CCDC7: variants seen among roughly 807,000 people sequenced by gnomAD.
CCDC7 encodes the protein coiled-coil domain containing 7.
In CCDC7, 183 loss-of-function variants were observed where a neutral mutation model predicts 196.9. The observed-to-expected ratio is 0.93, with a 90% CI of 0.82 to 1.05. CCDC7 has a LOEUF of 1.05. Among genes scored for constraint, CCDC7 ranks in the 50% least tolerant of loss-of-function variants. The pLI is 0.00. For missense variants in CCDC7, 1,540 were observed against 1,482.2 expected, an observed-to-expected ratio of 1.04 and a Z score of -0.64; for synonymous variants, 525 against 484.6, an observed-to-expected ratio of 1.08 and a Z score of -1.10.
chr10:32,484,226 G>C (rs1436771585), intron 8 of CCDC7, among the ~76,000 whole-genome samples: 2 of 152,150 alleles, frequency 1.3e-5, no homozygotes, highest in Non-Finnish European at 2.9e-5. Context: ...CCTGTAAGTT[G>C]TATTGCTAGG....
At chr10:32,564,955 T>TTG (rs2056535021) in intron 13 of CCDC7, among the ~76,000 whole-genome samples, 1 of 152,156 alleles carries the variant, frequency 6.6e-6, no homozygotes, top group Non-Finnish European at 1.5e-5. Flanking sequence ...CTAGCCTGGG[T>TTG]AACAGAGCAA....
intron 18 of CCDC7, among the ~76,000 whole-genome samples, chr10:32,626,533 A>G (rs1716018): frequency 0.98 from 149,670 of 152,072 alleles, 73,692 homozygotes; most frequent in Middle Eastern, 1. Context: ...ATTATTAATA[A>G]TTTCCTTTGC....
At chr10:32,734,717 A>C (rs1015291492) in intron 28 of CCDC7, among the ~76,000 whole-genome samples, 2 of 152,016 alleles carry the variant, frequency 1.3e-5, no homozygotes, top group Non-Finnish European at 2.9e-5. Context: ...CAATATGGTA[A>C]AACCCCGTCT....
intron 20 of CCDC7, among the ~76,000 whole-genome samples, chr10:32,657,839 C>G (rs1591220766): frequency 6.6e-6 from 1 of 152,160 alleles, no homozygotes; most frequent in South Asian, 2.1e-4. Context: ...CTTTTATGTT[C>G]TGCTTCCTCT....
chr10:32,876,582 TGA>T, downstream of CCDC7: 1 of 454,520 alleles, frequency 2.2e-6, no homozygotes, highest in Non-Finnish European at 3.9e-6. Flanking sequence ...CAGGCAGTGG[TGA>T]GTTTGAAAGT....
At chr10:32,542,633 C>CAAAAAA (rs11375465) in intron 11 of CCDC7, among the ~76,000 whole-genome samples, 4 of 87,934 alleles carry the variant, frequency 4.5e-5, no homozygotes, top group East Asian at 3.5e-4. Context: ...ACTCCCATCT[C>CAAAAAA]AAAAAAAAAA....
chr10:32,597,814 C>T (rs1043482672), intron 18 of CCDC7, among the ~76,000 whole-genome samples: 2 of 152,140 alleles, frequency 1.3e-5, no homozygotes, highest in African/African-American at 4.8e-5. Flanking sequence ...CCTGGGTATC[C>T]AGCGGAGGCT....
intron 18 of CCDC7, among the ~76,000 whole-genome samples, chr10:32,597,439 T>G (rs1301011265): frequency 6.6e-6 from 1 of 152,158 alleles, no homozygotes; most frequent in Non-Finnish European, 1.5e-5. Flanking sequence ...TTTTCAAGGT[T>G]TTTAGCTTCT....
chr10:32,684,605 A>G (rs1172201425), intron 21 of CCDC7, among the ~76,000 whole-genome samples: 1 of 152,172 alleles, frequency 6.6e-6, no homozygotes, highest in East Asian at 1.9e-4. Context: ...GATCCAGTTG[A>G]AGAGCCACTT....
chr10:32,461,705 GTGTGTATA>G (rs1171980799), intron 3 of CCDC7, among the ~76,000 whole-genome samples: 4 of 36,162 alleles, frequency 1.1e-4, no homozygotes, highest in African/African-American at 3.8e-4. Context: ...GTGTGTGTGT[GTGTGTATA>G]TATATATATA....
chr10:32,739,376 C>T (rs563722602), intron 28 of CCDC7, among the ~76,000 whole-genome samples: 1 of 152,152 alleles, frequency 6.6e-6, no homozygotes, highest in South Asian at 2.1e-4. Context: ...TTTTCAAGCT[C>T]ACTTATTCTT....
intron 20 of CCDC7, among the ~76,000 whole-genome samples, chr10:32,649,465 A>G (rs572298381): frequency 1.3e-5 from 2 of 152,252 alleles, no homozygotes; most frequent in African/African-American, 4.8e-5. Context: ...TTCTTTTGCA[A>G]TCCCTTTGAT....
intron 41 of CCDC7, among the ~76,000 whole-genome samples, chr10:32,855,737 T>C (rs2093727008): frequency 6.6e-6 from 1 of 152,056 alleles, no homozygotes; most frequent in South Asian, 2.1e-4. Flanking sequence ...AGACCAGGAG[T>C]TGGAGACCCT....
chr10:32,464,435 A>T (rs2036333952), intron 5 of CCDC7, among the ~76,000 whole-genome samples: 1 of 152,162 alleles, frequency 6.6e-6, no homozygotes, highest in African/African-American at 2.4e-5. Flanking sequence ...TTTCTTATAC[A>T]TATGACTAAT....
At chr10:32,826,804 A>T (rs2091190151) in intron 32 of CCDC7, among the ~76,000 whole-genome samples, 1 of 152,240 alleles carries the variant, frequency 6.6e-6, no homozygotes, top group Non-Finnish European at 1.5e-5. Context: ...GGTGAAGGGA[A>T]ATCTTCTCAG....
At chr10:32,647,031 A>C (rs1445669177) in intron 20 of CCDC7, among the ~76,000 whole-genome samples, 1 of 152,172 alleles carries the variant, frequency 6.6e-6, no homozygotes. Flanking sequence ...TGAATAGTAC[A>C]GTAATGAATA....
chr10:32,607,568 G>A (rs1276470839), intron 18 of CCDC7, among the ~76,000 whole-genome samples: 1 of 152,076 alleles, frequency 6.6e-6, no homozygotes, highest in Non-Finnish European at 1.5e-5. Context: ...AGTTTTTTCA[G>A]TATCTATTGA....
chr10:32,854,471 G>A (rs1207608418), exon 41 of CCDC7: 2 of 1,580,404 alleles, frequency 1.3e-6, no homozygotes, highest in South Asian at 2.2e-5. Flanking sequence ...CAATACAGTT[G>A]GAAAACCTAC....
intron 33 of CCDC7, among the ~76,000 whole-genome samples, chr10:32,839,088 A>G (rs565209588): frequency 1.3e-5 from 2 of 152,136 alleles, no homozygotes; most frequent in Admixed American, 6.6e-5. Flanking sequence ...GGAGAAAAAA[A>G]GGTATTCAGG....
Sources: allele counts gnomAD v4.1 joint callset (sites outside exome capture counted in the v4.1 genomes callset), GRCh38; gene constraint gnomAD v4.1.1; transcripts MANE v1.5; gene names NCBI Gene and HGNC (gene_info 2026-07-23, HGNC 2026-07-21).